PLEKHA7: variants seen among roughly 807,000 people sequenced by gnomAD.
PLEKHA7 encodes pleckstrin homology domain-containing family A member 7.
PLEKHA7 carries 104 observed loss-of-function variants against 170.0 expected under a neutral mutation model. That is an observed-to-expected ratio of 0.61 (90% CI 0.52 to 0.72). The LOEUF (loss-of-function observed/expected upper bound fraction) is 0.72. Among genes scored for constraint, PLEKHA7 ranks in the 30% least tolerant of loss-of-function variants. The probability of loss-of-function intolerance (pLI) is 0.00; values close to 1 mark genes in which losing one functional copy is unlikely to be tolerated. For missense variants in PLEKHA7, 1,615 were observed against 1,671.7 expected (o/e 0.97, Z 0.59); for synonymous variants, 648 against 660.8 (o/e 0.98, Z 0.30).
intron 3 of PLEKHA7, among the ~76,000 whole-genome samples, chr11:16,942,411 G>C (rs543866172): frequency 2.0e-4 from 30 of 152,118 alleles, no homozygotes; most frequent in Non-Finnish European, 3.1e-4. Flanking sequence ...AGTAGACATT[G>C]GGGCCTTTAG....
Position 16,887,772 on chromosome 11 carries a change from G to A in PLEKHA7, c.222-16590C>T, listed in dbSNP as rs568491075. On this transcript the variant is annotated intron_variant, in intron 3 of 26. Transcript: ENST00000531066. ...CCTCCACCTCCCAGCCGCCTGCCTTGGCCTCCCAAAGTGCCGAGATTCCAG... is the reference window on the plus strand; with the variant it reads ...CCTCCACCTCCCAGCCGCCTGCCTTAGCCTCCCAAAGTGCCGAGATTCCAG... Among the ~76,000 whole-genome samples the A allele has an allele frequency of 1.1e-4, 16 of 152,308 alleles. No homozygotes were observed. The South Asian group carries it at 3.3e-3, about 32-fold the overall frequency.
At position 17,014,168 on chromosome 11, in the gene PLEKHA7, C is replaced by T. The variant is rs759354856; in HGVS notation, c.120G>A (p.Pro40=). 5.0e-6 allele frequency: 8 copies of T among 1,601,532 alleles called. 1 individual carries two copies. In the South Asian group the frequency reaches 8.9e-5, roughly 18 times the overall value. Residue 40 remains proline (P), a synonymous_variant, in exon 2 of 27, where the codon CCG becomes CCA. Coordinates refer to ENST00000531066, the MANE Select transcript of PLEKHA7 (RefSeq NM_001329630.2). ...DQLRCTTWLH[P]RTGEPVNSGH... The stretch of plus-strand genomic sequence containing the variant: ...CCGAGTTGACGGGCTCCCCGGTGCG[C>T]GGATGCAGCCAGGTCGTGCAGCGGA...
At chr11:16,816,776 C>T in intron 11 of PLEKHA7, 24 bp downstream of exon 11, 1 of 1,608,280 alleles carries the variant, frequency 6.2e-7, no homozygotes, top group South Asian at 1.1e-5. Flanking sequence ...ACCCAGCAGC[C>T]TGGCAGAGCT....
At chr11:16,839,488 CAGACATAT>C (rs1851787757) in intron 9 of PLEKHA7, among the ~76,000 whole-genome samples, 1 of 150,410 alleles carries the variant, frequency 6.6e-6, no homozygotes, top group Non-Finnish European at 1.5e-5. Flanking sequence ...TATATACACA[CAGACATAT>C]ATACATAGTT....
At chr11:16,891,181 C>A (rs1189448342) in intron 3 of PLEKHA7, among the ~76,000 whole-genome samples, 3 of 152,144 alleles carry the variant, frequency 2.0e-5, no homozygotes, top group African/African-American at 7.2e-5. Flanking sequence ...TCCCAAAGCA[C>A]TGGAATTATA....
intron 4 of PLEKHA7, among the ~76,000 whole-genome samples, chr11:16,863,649 C>A (rs138206685): frequency 6.6e-6 from 1 of 152,144 alleles, no homozygotes; most frequent in African/African-American, 2.4e-5. Context: ...TCCTCTTCCC[C>A]GAGAGCTGCA....
At chr11:16,910,593 G>T (rs1223351119) in intron 3 of PLEKHA7, among the ~76,000 whole-genome samples, 1 of 152,206 alleles carries the variant, frequency 6.6e-6, no homozygotes, top group Non-Finnish European at 1.5e-5. Flanking sequence ...CAACTGGGTT[G>T]CAACTGGGAC....
chr11:17,008,986 C>T (rs1320570678), intron 3 of PLEKHA7, among the ~76,000 whole-genome samples: 1 of 152,180 alleles, frequency 6.6e-6, no homozygotes, highest in Non-Finnish European at 1.5e-5. Flanking sequence ...TGTACCACCC[C>T]TAATCAACAT....
At position 16,817,002 on chromosome 11, in the gene PLEKHA7, C is replaced by T. The variant is rs777297293; in HGVS notation, c.1664G>A (p.Arg555Lys). The change falls in exon 11 of 27, where the codon AGG becomes AAG. Residue 555 changes from arginine to lysine, a missense_variant. Transcript: ENST00000531066. The surrounding 1 kb of genome is among the most constrained non-coding windows in gnomAD (Gnocchi z 4.4). ...GGAGCGGGGCACCTCTAGCATGCTC[C>T]TGCTCCGGCCCTGGTCGGTGAACTC... ...SPEFTDQGRS[R>K]SMLEVPRSIS... 1 of 1,603,756 alleles carries T rather than the reference C, an allele frequency of 6.2e-7. No individual in the cohort carries two copies. Among genetic ancestry groups the T allele is most frequent in the Admixed American group, 1.7e-5 (1 of 59,460 alleles).
intron 3 of PLEKHA7, among the ~76,000 whole-genome samples, chr11:16,960,997 C>A (rs1862026772): frequency 6.6e-6 from 1 of 152,304 alleles, no homozygotes; most frequent in East Asian, 1.9e-4. Context: ...AACAAGAGAC[C>A]CAGCCAGCAA....
At chr11:16,897,999 T>C (rs1857104787) in intron 3 of PLEKHA7, among the ~76,000 whole-genome samples, 1 of 152,074 alleles carries the variant, frequency 6.6e-6, no homozygotes, top group African/African-American at 2.4e-5. Context: ...GCAAAGACAA[T>C]AGAAATTTTA....
At chr11:16,943,238 G>A (rs777958642) in intron 3 of PLEKHA7, among the ~76,000 whole-genome samples, 2 of 151,050 alleles carry the variant, frequency 1.3e-5, no homozygotes, top group African/African-American at 4.9e-5. Flanking sequence ...CAGTATAAAA[G>A]TTATTATTGC....
chr11:16,955,505 G>A (rs1861645153), intron 3 of PLEKHA7, among the ~76,000 whole-genome samples: 3 of 152,184 alleles, frequency 2.0e-5, no homozygotes, highest in African/African-American at 7.2e-5. Flanking sequence ...ATAGTGCCTG[G>A]CACCCAGTAG....
intron 3 of PLEKHA7, among the ~76,000 whole-genome samples, chr11:16,907,035 G>GC (rs1361359193): frequency 6.8e-6 from 1 of 147,674 alleles, no homozygotes; most frequent in African/African-American, 2.6e-5. Context: ...GAAGTGAGGA[G>GC]CCCCTCTGCC....
chr11:16,917,050 C>A lies in PLEKHA7; in HGVS notation c.222-45868G>T, dbSNP rs940611053. ...CCTGGCCAACACAGTGAAACCCTGT[C>A]TCTACAAAAAATACAAAAATTAGCC... On this transcript the variant is annotated intron_variant, in intron 3 of 26. Coordinates refer to ENST00000531066, the MANE Select transcript of PLEKHA7 (RefSeq NM_001329630.2). Among the ~76,000 whole-genome samples, 8 of 152,084 alleles carry A rather than the reference C, an allele frequency of 5.3e-5. 1 individual carries two copies. Among genetic ancestry groups the A allele is most frequent in the Admixed American group, 5.2e-4 (8 of 15,270 alleles).
At chr11:16,844,269 T>C (rs572589937) in intron 8 of PLEKHA7, among the ~76,000 whole-genome samples, 11 of 152,342 alleles carry the variant, frequency 7.2e-5, no homozygotes, top group African/African-American at 2.6e-4. Context: ...CGAATGAGTC[T>C]TAAGAGTTAC....
intron 3 of PLEKHA7, among the ~76,000 whole-genome samples, chr11:16,945,673 C>G (rs915688345): frequency 6.6e-6 from 1 of 152,182 alleles, no homozygotes; most frequent in African/African-American, 2.4e-5. Flanking sequence ...CCAGGAATAT[C>G]TGGCACTCTG....
At chr11:16,908,486 A>G (rs1858016095) in intron 3 of PLEKHA7, among the ~76,000 whole-genome samples, 1 of 147,100 alleles carries the variant, frequency 6.8e-6, no homozygotes, top group South Asian at 2.2e-4. Context: ...CAGACTGAGA[A>G]AATAATTTTT....
intron 3 of PLEKHA7, among the ~76,000 whole-genome samples, chr11:16,887,433 T>TCCGATG (rs1289205704): frequency 6.6e-6 from 1 of 151,676 alleles, no homozygotes; most frequent in Non-Finnish European, 1.5e-5. Context: ...ACGGTCTCCC[T>TCCGATG]CCGATGCCGA....
Sources: gnomAD v4.1 joint callset for allele counts (sites outside exome capture counted in the v4.1 genomes callset) on GRCh38, gnomAD v4.1.1 for gene constraint, Gnocchi (gnomAD v3.1) non-coding constraint, MANE v1.5 for transcripts, NCBI Gene and HGNC (gene_info 2026-07-23, HGNC 2026-07-21) for gene names.